WDR17: variants seen among roughly 807,000 people sequenced by gnomAD.
WDR17 encodes the protein WD repeat-containing protein 17.
A neutral mutation model predicts 161.7 loss-of-function variants in WDR17; 143 were observed. That is an observed-to-expected ratio of 0.88 (90% CI 0.77 to 1.02). WDR17 has a LOEUF of 1.02. Ranked by LOEUF, WDR17 falls within the 50% of genes least tolerant of loss-of-function variation. WDR17 has a pLI of 0.00. For synonymous variants in WDR17, 517 were observed against 515.6 expected (o/e 1.00, Z -0.04); for missense variants, 1,469 against 1,520.9 (o/e 0.97, Z 0.57).
chr4:176,151,971 A>T lies in WDR17; in HGVS notation c.2460+4A>T. 6.2e-7 allele frequency: 1 copy of T among 1,609,866 alleles called. No individual in the cohort carries two copies. The highest frequency in any genetic ancestry group is 8.5e-7 in the Non-Finnish European group (1 of 1,178,978). On this transcript the variant is annotated splice_donor_region_variant and intron_variant, in intron 17 of 28. Transcript: ENST00000508596. ...ACTTATGGTTGAACTTGGAGAGGTA[A>T]TGTGCTATGAAAGTAAAACTAATGA...
intron 12 of WDR17, among the ~76,000 whole-genome samples, chr4:176,146,916 G>A (rs1346848153): frequency 6.6e-6 from 1 of 152,008 alleles, no homozygotes; most frequent in Non-Finnish European, 1.5e-5. Context: ...CGCCAGGCTG[G>A]AGTGCAGTGG....
chr4:176,138,078 T>G (rs1744692062), intron 9 of WDR17, among the ~76,000 whole-genome samples: 1 of 151,694 alleles, frequency 6.6e-6, no homozygotes, highest in Admixed American at 6.6e-5. Flanking sequence ...CCTGCTCTCT[T>G]GTATTTGTAG....
chr4:176,175,009 C>G (rs1751241274), intron 26 of WDR17, among the ~76,000 whole-genome samples: 1 of 152,154 alleles, frequency 6.6e-6, no homozygotes. Context: ...TCTTCAAGGA[C>G]CTGATACTCC....
intron 22 of WDR17, 165 bp from the exon 23 acceptor site, chr4:176,168,507 T>C: frequency 5.7e-6 from 4 of 704,584 alleles, no homozygotes; most frequent in Non-Finnish European, 6.6e-6. Flanking sequence ...GTTTGGGTAA[T>C]CTGCATTTAC....
intron 23 of WDR17, among the ~76,000 whole-genome samples, chr4:176,170,482 A>T (rs1467238120): frequency 6.6e-6 from 1 of 151,934 alleles, no homozygotes; most frequent in Non-Finnish European, 1.5e-5. Context: ...CACCCAGCTA[A>T]TTTTGTATTC....
At position 176,150,117 on chromosome 4, in the gene WDR17, A is replaced by G. The variant is rs577566150; in HGVS notation, c.2122A>G (p.Lys708Glu). ...VSRDIRQEIE[K>E]LTANSQVKKL... is the part of the protein sequence containing the mutation. ...AAGAGATATTAGACAGGAAATAGAA[A>G]AACTAACTGCTAATTCTCAAGTGAA... Residue 708 changes from lysine to glutamate, a missense_variant, in exon 15 of 29, where the codon AAA becomes GAA. Physicochemically the swap from Lys to Glu is moderately conservative, Grantham distance 56 (BLOSUM62 1). Transcript: ENST00000508596. The G allele has an allele frequency of 4.3e-6, 7 of 1,613,942 alleles. No individual in the cohort carries two copies. The highest frequency in any genetic ancestry group is 4.0e-5 in the African/African-American group (3 of 75,048).
chr4:176,163,871 C>T (rs1439134031), intron 22 of WDR17, among the ~76,000 whole-genome samples: 3 of 152,132 alleles, frequency 2.0e-5, no homozygotes, highest in South Asian at 2.1e-4. Context: ...ATTATGGAGG[C>T]TCTATTAGGA....
intron 3 of WDR17, among the ~76,000 whole-genome samples, chr4:176,116,241 G>A (rs62339424): frequency 0.24 from 36,790 of 151,454 alleles, 5,653 homozygotes; most frequent in Admixed American, 0.42. Flanking sequence ...TAAATATAAT[G>A]TAAGAATTTC....
At chr4:176,095,914 A>G (rs745667137) in intron 1 of WDR17, among the ~76,000 whole-genome samples, 2 of 152,100 alleles carry the variant, frequency 1.3e-5, no homozygotes, top group Non-Finnish European at 2.9e-5. Flanking sequence ...ATTAAATTAC[A>G]TTCATGTGGT....
chr4:176,110,756 A>G (rs978022564), intron 1 of WDR17, among the ~76,000 whole-genome samples: 3 of 152,310 alleles, frequency 2.0e-5, no homozygotes, highest in Admixed American at 6.5e-5. Flanking sequence ...GCTGTATTTT[A>G]GATACGAGAA....
chr4:176,114,147 A>T (rs1221206643), intron 2 of WDR17, among the ~76,000 whole-genome samples: 3 of 152,050 alleles, frequency 2.0e-5, no homozygotes, highest in African/African-American at 7.2e-5. Flanking sequence ...TCTTTTGGAT[A>T]CATTAGATAC....
At chr4:176,091,417 TA>T (rs1754796830) in intron 1 of WDR17, among the ~76,000 whole-genome samples, 1 of 152,120 alleles carries the variant, frequency 6.6e-6, no homozygotes, top group Admixed American at 6.6e-5. Flanking sequence ...ATGGATAAAT[TA>T]AAGAAATTGA....
At chr4:176,135,302 G>T in intron 8 of WDR17, 26 bp downstream of exon 8, 1 of 1,607,868 alleles carries the variant, frequency 6.2e-7, no homozygotes, top group South Asian at 1.1e-5. Flanking sequence ...TTGAAATTAG[G>T]AATACAATGA....
At chr4:176,083,245 G>A (rs923761912) in intron 1 of WDR17, among the ~76,000 whole-genome samples, 4 of 151,978 alleles carry the variant, frequency 2.6e-5, no homozygotes, top group African/African-American at 9.7e-5. Context: ...TCAGGAGATG[G>A]GGGCTGAGTA....
intron 7 of WDR17, among the ~76,000 whole-genome samples, chr4:176,133,266 A>G (rs942781841): frequency 4.6e-5 from 6 of 130,364 alleles, no homozygotes; most frequent in African/African-American, 1.7e-4. Flanking sequence ...TCTAAAAAAA[A>G]AAAAAAAAGA....
At chr4:176,076,217 AT>A (rs1733968810) in intron 1 of WDR17, among the ~76,000 whole-genome samples, 1 of 6,220 alleles carries the variant, frequency 1.6e-4, no homozygotes, top group Non-Finnish European at 5.6e-4. Context: ...CATATATAAT[AT>A]ATATATATAT....
chr4:176,170,316 CTTTT>C (rs34343977), intron 23 of WDR17, among the ~76,000 whole-genome samples: 1 of 125,164 alleles, frequency 8.0e-6, no homozygotes, highest in Non-Finnish European at 1.7e-5. Flanking sequence ...TTTCTTTTTT[CTTTT>C]TTTTTTTTTT....
chr4:176,116,144 G>A lies in WDR17; in HGVS notation c.307+165G>A, dbSNP rs1469404522. On this transcript the variant is annotated intron_variant, in intron 3 of 28. Coordinates refer to ENST00000508596, the MANE Select transcript of WDR17 (RefSeq NM_181265.4). ...AATGACTCATGCCCATAGGTACAAAGCTGAAACAAAATTTCATGAAATAAT... is the reference window on the plus strand; with the variant it reads ...AATGACTCATGCCCATAGGTACAAAACTGAAACAAAATTTCATGAAATAAT... 2.0e-5 allele frequency among the ~76,000 whole-genome samples: 3 copies of A among 151,814 alleles called. No homozygotes were observed. In the East Asian group the frequency reaches 5.8e-4, roughly 29 times the overall value.
intron 5 of WDR17, among the ~76,000 whole-genome samples, chr4:176,127,166 G>A (rs543078973): frequency 5.3e-5 from 8 of 152,236 alleles, no homozygotes; most frequent in Admixed American, 1.3e-4. Flanking sequence ...TTTGTTATCC[G>A]TGGGAGGTCC....
Sources: gnomAD v4.1 joint callset for allele counts (sites outside exome capture counted in the v4.1 genomes callset) on GRCh38, gnomAD v4.1.1 for gene constraint, MANE v1.5 for transcripts, NCBI Gene and HGNC (gene_info 2026-07-23, HGNC 2026-07-21) for gene names.